Variants in FRMD4A observed in about 807,000 individuals in gnomAD.
FRMD4A encodes FERM domain containing 4A.
A neutral mutation model predicts 129.1 loss-of-function variants in FRMD4A; 29 were observed. That is an observed-to-expected ratio of 0.22 (90% CI 0.17 to 0.31). The LOEUF is 0.31. FRMD4A is among the 10% of genes least tolerant of loss of function. The probability of loss-of-function intolerance (pLI) is 1.00; values close to 1 mark genes in which losing one functional copy is unlikely to be tolerated. For missense variants in FRMD4A, 1,272 were observed against 1,375.8 expected, an observed-to-expected ratio of 0.92 and a Z score of 1.19; for synonymous variants, 634 against 571.6, an observed-to-expected ratio of 1.11 and a Z score of -1.56.
intron 2 of FRMD4A, among the ~76,000 whole-genome samples, chr10:14,026,967 G>T (rs999819590): frequency 2.0e-5 from 3 of 152,104 alleles, no homozygotes; most frequent in Non-Finnish European, 4.4e-5. Flanking sequence ...TATTTTTATT[G>T]TTTGTGGGTA....
At chr10:14,008,173 T>TGTG in intron 2 of FRMD4A, 1 of 1,059,724 alleles carries the variant, frequency 9.4e-7, no homozygotes, top group South Asian at 1.7e-5. Context: ...TGTGTGTGTG[T>TGTG]GTGTGTGTGT....
chr10:14,067,742 G>T (rs1327489338), intron 2 of FRMD4A, among the ~76,000 whole-genome samples: 1 of 152,086 alleles, frequency 6.6e-6, no homozygotes, highest in East Asian at 1.9e-4. Context: ...CCTTGAACCT[G>T]GGAGGTGGAG....
intron 3 of FRMD4A, among the ~76,000 whole-genome samples, chr10:13,813,997 ATAATCT>A (rs1438735440): frequency 6.6e-6 from 1 of 152,196 alleles, no homozygotes; most frequent in Non-Finnish European, 1.5e-5. Flanking sequence ...AACATTTTTG[ATAATCT>A]TTTGGGTTTG....
rs189554910 is a variant in FRMD4A, at chr10:13,787,564, G to A, written c.300-4558C>T. ...CAGCCTCGACCTCCTGGGATCAAGTGACCTGTCTGTCTAAGCCTCCCAGAT... is the reference window on the plus strand; with the variant it reads ...CAGCCTCGACCTCCTGGGATCAAGTAACCTGTCTGTCTAAGCCTCCCAGAT... On this transcript the variant is annotated intron_variant, in intron 5 of 24. Coordinates refer to ENST00000357447, the MANE Select transcript of FRMD4A (RefSeq NM_018027.5). 3.0e-3 allele frequency among the ~76,000 whole-genome samples: 460 copies of A among 152,210 alleles called. 2 individuals carry two copies. Among genetic ancestry groups the A allele is most frequent in the African/African-American group, 0.011 (437 of 41,528 alleles).
At position 13,670,280 on chromosome 10, in the gene FRMD4A, G is replaced by A. The variant is rs1025410327; in HGVS notation, c.1374+126C>T. Reference sequence around the variant, plus strand: ...TGACCGGCCAGCTCACTCAAGAAAAGGTATGAGCGAAAATACTGGCATTAG... The same window carrying A: ...TGACCGGCCAGCTCACTCAAGAAAAAGTATGAGCGAAAATACTGGCATTAG... On this transcript the variant is annotated intron_variant, in intron 17 of 24. Transcript: ENST00000357447. 3 of 922,704 alleles carry A rather than the reference G, an allele frequency of 3.3e-6. No individual in the cohort carries two copies. In the South Asian group the frequency reaches 4.5e-5, roughly 14 times the overall value. The allele number at this position is 922,704 out of a possible 1,614,324, so 57.2% of individuals were successfully genotyped here. A position where few individuals can be genotyped will look rare whatever the true frequency, so the allele number is the denominator to read the frequency against.
At chr10:14,095,338 G>A (rs80148259) in intron 2 of FRMD4A, among the ~76,000 whole-genome samples, 4,419 of 152,234 alleles carry the variant, frequency 0.029, 178 homozygotes, top group African/African-American at 0.073. Flanking sequence ...GGTGCTTCCT[G>A]CTAGCCATCA....
chr10:14,047,921 C>A (rs1834059073), intron 2 of FRMD4A, among the ~76,000 whole-genome samples: 1 of 152,246 alleles, frequency 6.6e-6, no homozygotes, highest in African/African-American at 2.4e-5. Context: ...TCTTCACCAC[C>A]AAATAGGGAC....
At chr10:14,135,893 C>G (rs962043811) in intron 2 of FRMD4A, among the ~76,000 whole-genome samples, 5 of 152,138 alleles carry the variant, frequency 3.3e-5, no homozygotes, top group Non-Finnish European at 5.9e-5. Context: ...TTAGGAGAAA[C>G]TGTATATTCT....
chr10:13,771,501 T>C (rs771418538), intron 6 of FRMD4A, among the ~76,000 whole-genome samples: 31 of 152,330 alleles, frequency 2.0e-4, no homozygotes, highest in Middle Eastern at 3.4e-3. Context: ...CAAAACTCGG[T>C]GATTTCTCAG....
chr10:14,122,269 T>G (rs1010665284), intron 2 of FRMD4A, among the ~76,000 whole-genome samples: 1 of 152,168 alleles, frequency 6.6e-6, no homozygotes, highest in African/African-American at 2.4e-5. Flanking sequence ...AAGACTGACT[T>G]CTGGCAGATT....
chr10:14,202,594 T>C (rs1842671536), intron 2 of FRMD4A, among the ~76,000 whole-genome samples: 1 of 151,788 alleles, frequency 6.6e-6, no homozygotes, highest in African/African-American at 2.4e-5. Context: ...AGAGACGGGG[T>C]TTCACCATAT....
At chr10:13,932,375 C>T (rs1190790122) in intron 2 of FRMD4A, among the ~76,000 whole-genome samples, 1 of 152,182 alleles carries the variant, frequency 6.6e-6, no homozygotes, top group Non-Finnish European at 1.5e-5. Context: ...TTCTCATAGA[C>T]AGTGTCTAGA....
intron 2 of FRMD4A, among the ~76,000 whole-genome samples, chr10:14,084,735 A>AC (rs891448889): frequency 1.3e-5 from 2 of 151,748 alleles, no homozygotes. Flanking sequence ...GACAACTAGG[A>AC]CCCCCCATAT....
At position 13,723,139 on chromosome 10, in the gene FRMD4A, T is replaced by C. The variant is rs922365263; in HGVS notation, c.759+14705A>G. On this transcript the variant is annotated intron_variant, in intron 12 of 24. Transcript: ENST00000357447. ...CCCATGCTAGTTAGCTACATCCCTATGCTGGTTAGCTAGGTCACCATGCTG... is the reference window on the plus strand; with the variant it reads ...CCCATGCTAGTTAGCTACATCCCTACGCTGGTTAGCTAGGTCACCATGCTG... 3.9e-5 allele frequency among the ~76,000 whole-genome samples: 6 copies of C among 152,252 alleles called. No homozygotes were observed. The East Asian group carries it at 1.2e-3, about 29-fold the overall frequency.
At chr10:14,281,338 A>G (rs1845514552) in intron 2 of FRMD4A, among the ~76,000 whole-genome samples, 1 of 152,244 alleles carries the variant, frequency 6.6e-6, no homozygotes, top group Admixed American at 6.5e-5. Flanking sequence ...CTGGTACAGC[A>G]GGAAGACTAC....
intron 2 of FRMD4A, among the ~76,000 whole-genome samples, chr10:14,315,663 C>G (rs77491401): frequency 0.013 from 2,047 of 152,320 alleles, 36 homozygotes; most frequent in African/African-American, 0.047. Context: ...GCTTCATCTT[C>G]TGATTTTTCC....
chr10:14,200,933 G>A (rs1229616898), intron 2 of FRMD4A, among the ~76,000 whole-genome samples: 1 of 152,196 alleles, frequency 6.6e-6, no homozygotes, highest in African/African-American at 2.4e-5. Context: ...ATTCTGGCTG[G>A]TCCTACCTGT....
At chr10:13,912,780 A>T (rs1321636455) in intron 2 of FRMD4A, among the ~76,000 whole-genome samples, 1 of 151,832 alleles carries the variant, frequency 6.6e-6, no homozygotes, top group Admixed American at 6.6e-5. Flanking sequence ...CCGCCTGCCT[A>T]GAATATTATT....
At chr10:13,653,175 AAAATGAAGGCTCCAGAAAACC>A (rs1201760958) in intron 23 of FRMD4A, 1 of 152,290 alleles carries the variant, frequency 6.6e-6, no homozygotes, top group East Asian at 1.9e-4. Flanking sequence ...TTTCTTGCCA[AAAATGAAGGCTCCAGAAAACC>A]TGGTGTAAAA....
Sources: gnomAD v4.1 joint callset for allele counts (sites outside exome capture counted in the v4.1 genomes callset) on GRCh38, gnomAD v4.1.1 for gene constraint, MANE v1.5 for transcripts, NCBI Gene and HGNC (gene_info 2026-07-23, HGNC 2026-07-21) for gene names.